Variants in PRKACB observed in about 807,000 individuals in gnomAD.
PRKACB encodes protein kinase cAMP-activated catalytic subunit beta.
Under a neutral mutation model 51.4 loss-of-function variants are expected in PRKACB, and 16 were observed. The observed-to-expected ratio is 0.31, with a 90% CI of 0.21 to 0.47. The LOEUF (loss-of-function observed/expected upper bound fraction) is 0.47. PRKACB is among the 20% of genes least tolerant of loss of function. The pLI, the probability that PRKACB is intolerant of heterozygous loss-of-function variation, is 1.00. For missense variants in PRKACB, 309 were observed against 464.5 expected, an observed-to-expected ratio of 0.67 and a Z score of 3.08; for synonymous variants, 147 against 154.4, an observed-to-expected ratio of 0.95 and a Z score of 0.35.
At chr1:84,158,825 G>A (rs1655835467) in intron 1 of PRKACB, among the ~76,000 whole-genome samples, 1 of 152,048 alleles carries the variant, frequency 6.6e-6, no homozygotes, top group South Asian at 2.1e-4. Flanking sequence ...ATGTTGTGAA[G>A]TATGAATTGA....
intron 5 of PRKACB, among the ~76,000 whole-genome samples, chr1:84,186,211 T>G (rs990319502): frequency 7.7e-5 from 2 of 25,920 alleles, no homozygotes; most frequent in Admixed American, 6.3e-4. Flanking sequence ...AATATAATTT[T>G]TTTGTTTGTT....
intron 1 of PRKACB, among the ~76,000 whole-genome samples, chr1:84,082,333 C>CT (rs748254188): frequency 6.6e-6 from 1 of 152,068 alleles, no homozygotes; most frequent in Admixed American, 6.5e-5. Context: ...TCAAACATGA[C>CT]TTTATTTGGT....
chr1:84,216,551 T>G (rs1402067406), intron 9 of PRKACB, among the ~76,000 whole-genome samples: 1 of 152,186 alleles, frequency 6.6e-6, no homozygotes, highest in African/African-American at 2.4e-5. Context: ...ATAACAAGAT[T>G]GATAGCACTT....
intron 7 of PRKACB, among the ~76,000 whole-genome samples, chr1:84,198,242 G>A (rs41301162): frequency 0.015 from 2,208 of 152,222 alleles, 61 homozygotes; most frequent in African/African-American, 0.049. Flanking sequence ...TATGAGAAGT[G>A]TTTTTAAATT....
At position 84,224,387 on chromosome 1, in the gene PRKACB, G is replaced by A. The variant is rs529430817; in HGVS notation, c.1071+10070G>A. 8.5e-5 allele frequency among the ~76,000 whole-genome samples: 13 copies of A among 152,348 alleles called. No individual in the cohort carries two copies. In the South Asian group the frequency reaches 1.7e-3, roughly 19 times the overall value. ...CCTGTGCAGCATGTGTGGCATAAGCGATTGTAATAGTGATGGCAGGCCAAC... is the reference window on the plus strand; with the variant it reads ...CCTGTGCAGCATGTGTGGCATAAGCAATTGTAATAGTGATGGCAGGCCAAC... On this transcript the variant is annotated intron_variant, in intron 9 of 9. Transcript: ENST00000370685.
intron 9 of PRKACB, among the ~76,000 whole-genome samples, chr1:84,228,515 G>T (rs1675017026): frequency 2.4e-5 from 1 of 41,466 alleles, no homozygotes; most frequent in South Asian, 6.2e-4. Flanking sequence ...TGCAGATTAT[G>T]ATTTTTTTTT....
intron 5 of PRKACB, among the ~76,000 whole-genome samples, chr1:84,187,878 A>G (rs1665640192): frequency 6.6e-6 from 1 of 152,102 alleles, no homozygotes; most frequent in Non-Finnish European, 1.5e-5. Flanking sequence ...TCCTGCCAGG[A>G]AGTAACAGTT....
At chr1:84,078,329 G>A (rs779757037) in exon 1 of PRKACB, 1 of 1,611,464 alleles carries the variant, frequency 6.2e-7, no homozygotes, top group South Asian at 1.1e-5. Context: ...CCCAGACATG[G>A]GGAACGCGGC....
intron 9 of PRKACB, among the ~76,000 whole-genome samples, chr1:84,223,108 G>A (rs921195335): frequency 6.6e-6 from 1 of 152,072 alleles, no homozygotes; most frequent in African/African-American, 2.4e-5. Flanking sequence ...GTTTTTCTAT[G>A]TCATTACCCA....
upstream of PRKACB, among the ~76,000 whole-genome samples, chr1:84,142,943 G>T (rs542979435): frequency 1.2e-3 from 176 of 152,180 alleles, no homozygotes; most frequent in African/African-American, 3.9e-3. Context: ...TCTGAAGTAA[G>T]ATTTTTTTAG....
At chr1:84,173,920 T>G (rs930430328) in intron 1 of PRKACB, among the ~76,000 whole-genome samples, 1 of 151,812 alleles carries the variant, frequency 6.6e-6, no homozygotes, top group African/African-American at 2.4e-5. Context: ...TGTTCCTTAT[T>G]CCCTACAAAA....
intron 6 of PRKACB, 51 bp from the exon 7 acceptor site, chr1:84,197,678 A>G (rs1450141068): frequency 1.6e-6 from 2 of 1,252,726 alleles, no homozygotes; most frequent in Non-Finnish European, 2.3e-6. Context: ...CAATAAATAC[A>G]TTTATTGTGA....
intron 1 of PRKACB, among the ~76,000 whole-genome samples, chr1:84,120,521 G>C (rs752532912): frequency 3.3e-5 from 5 of 151,942 alleles, no homozygotes; most frequent in Non-Finnish European, 7.4e-5. Context: ...AACAATAATT[G>C]TGTAAAAACA....
intron 1 of PRKACB, among the ~76,000 whole-genome samples, chr1:84,164,065 GA>G (rs1325304142): frequency 6.6e-6 from 1 of 151,986 alleles, no homozygotes; most frequent in African/African-American, 2.4e-5. Context: ...ATACCACATG[GA>G]TGGCATCTGA....
chr1:84,172,343 A>T (rs753939904), intron 1 of PRKACB, among the ~76,000 whole-genome samples: 20 of 151,758 alleles, frequency 1.3e-4, no homozygotes, highest in Non-Finnish European at 1.8e-4. Context: ...ACAATTAAGG[A>T]AGTAAAATAT....
At chr1:84,110,369 C>T (rs1650125954) in intron 1 of PRKACB, among the ~76,000 whole-genome samples, 1 of 150,536 alleles carries the variant, frequency 6.6e-6, no homozygotes. Flanking sequence ...TGTATGTTTA[C>T]ATATATATAT....
chr1:84,152,792 T>C (rs1421217920), intron 1 of PRKACB, among the ~76,000 whole-genome samples: 1 of 152,168 alleles, frequency 6.6e-6, no homozygotes, highest in Non-Finnish European at 1.5e-5. Context: ...ACTTTCTCTA[T>C]ATCAACAATA....
chr1:84,160,966 A>G (rs773086791), intron 1 of PRKACB, among the ~76,000 whole-genome samples: 91 of 151,954 alleles, frequency 6.0e-4, no homozygotes, highest in Non-Finnish European at 1.2e-3. Flanking sequence ...TAAATTCTGT[A>G]TTTTATAAAT....
chr1:84,210,837 A>G (rs1672021937), intron 8 of PRKACB, among the ~76,000 whole-genome samples: 1 of 152,188 alleles, frequency 6.6e-6, no homozygotes, highest in Non-Finnish European at 1.5e-5. Context: ...ATAAATCAAC[A>G]TGACTCTTTG....
Sources: allele counts gnomAD v4.1 joint callset (sites outside exome capture counted in the v4.1 genomes callset), GRCh38; gene constraint gnomAD v4.1.1; transcripts MANE v1.5; gene names NCBI Gene and HGNC (gene_info 2026-07-23, HGNC 2026-07-21).